The following LARGE1 variants were observed in gnomAD, a reference collection of about 807,000 sequenced individuals.
LARGE1 encodes xylosyl- and glucuronyltransferase LARGE1.
LARGE1 carries 43 observed loss-of-function variants against 87.6 expected under a neutral mutation model. The observed-to-expected ratio is 0.49, with a 90% CI of 0.38 to 0.63. The LOEUF (loss-of-function observed/expected upper bound fraction) is 0.63, where lower values mean the gene tolerates loss of function less well. Ranked by LOEUF, LARGE1 falls within the 30% of genes least tolerant of loss-of-function variation. The pLI, the probability that LARGE1 is intolerant of heterozygous loss-of-function variation, is 0.00. For synonymous variants in LARGE1, 434 were observed against 394.6 expected (o/e 1.10, Z -1.18); for missense variants, 802 against 1,000.2 (o/e 0.80, Z 2.67).
At chr22:33,860,972 T>G (rs2063902221) in intron 1 of LARGE1, among the ~76,000 whole-genome samples, 1 of 152,124 alleles carries the variant, frequency 6.6e-6, no homozygotes, top group African/African-American at 2.4e-5. Flanking sequence ...CCTTGGAGTG[T>G]GAAGCCTGCA....
chr22:33,797,441 C>T (rs550937525), intron 1 of LARGE1, among the ~76,000 whole-genome samples: 1 of 152,308 alleles, frequency 6.6e-6, no homozygotes, highest in South Asian at 2.1e-4. Flanking sequence ...GTAAAACCAT[C>T]GTGTTAACCT....
Position 33,508,845 on chromosome 22 carries a change from T to C in LARGE1, c.787+56003A>G, listed in dbSNP as rs571927251. On this transcript the variant is annotated intron_variant, in intron 6 of 14. Coordinates refer to ENST00000397394, the MANE Select transcript of LARGE1 (RefSeq NM_133642.5). ...GCAAAAGGAAAATATGGCAGGGAAG[T>C]GTGGGAAAAAACCCAGAGTGAATTC... 5.7e-4 allele frequency among the ~76,000 whole-genome samples: 87 copies of C among 152,224 alleles called. No homozygotes were observed. The Middle Eastern group carries it at 0.02, about 36-fold the overall frequency.
At chr22:33,838,135 AC>A (rs2063162668) in intron 1 of LARGE1, among the ~76,000 whole-genome samples, 1 of 152,176 alleles carries the variant, frequency 6.6e-6, no homozygotes, top group African/African-American at 2.4e-5. Context: ...GACACTTTAA[AC>A]ATGTAAAAGC....
At position 33,320,461 on chromosome 22, in the gene LARGE1, C is replaced by A. The variant is rs77529145; in HGVS notation, c.1288-4213G>T. Among the ~76,000 whole-genome samples the A allele has an allele frequency of 9.4e-3, 1,430 of 152,278 alleles. 21 individuals carry two copies. The highest frequency in any genetic ancestry group is 0.032 in the African/African-American group (1,344 of 41,556). Reference sequence around the variant, plus strand: ...CTCTGCGCTCCAAGAGCACTCAGTTCGTAACTCCATTAAAGCACTTGTCAA... The same window carrying A: ...CTCTGCGCTCCAAGAGCACTCAGTTAGTAACTCCATTAAAGCACTTGTCAA... On this transcript the variant is annotated intron_variant, in intron 10 of 14. Coordinates refer to ENST00000397394, the MANE Select transcript of LARGE1 (RefSeq NM_133642.5).
At chr22:33,504,386 A>G (rs2148395761) in intron 6 of LARGE1, among the ~76,000 whole-genome samples, 1 of 152,112 alleles carries the variant, frequency 6.6e-6, no homozygotes, top group East Asian at 1.9e-4. Flanking sequence ...CAGCCTTCCG[A>G]GTAGCTGGGG....
chr22:33,221,587 T>A (rs903443644), intron 11 of LARGE1: 2 of 152,262 alleles, frequency 1.3e-5, no homozygotes, highest in African/African-American at 4.8e-5. Flanking sequence ...AGCTTTTAGA[T>A]GGATATCTCC....
intron 1 of LARGE1, among the ~76,000 whole-genome samples, chr22:33,912,798 A>T (rs1601904712): frequency 6.7e-6 from 1 of 149,490 alleles, no homozygotes; most frequent in Non-Finnish European, 1.5e-5. Context: ...AGCCCTAGAT[A>T]TTTCTGTTAC....
At chr22:33,472,779 A>G (rs1337537484) in intron 6 of LARGE1, among the ~76,000 whole-genome samples, 1 of 152,188 alleles carries the variant, frequency 6.6e-6, no homozygotes, top group East Asian at 1.9e-4. Context: ...TACCATGTAA[A>G]TTGAGGGAAG....
At chr22:33,819,221 C>A (rs539750276) in intron 1 of LARGE1, among the ~76,000 whole-genome samples, 1 of 151,782 alleles carries the variant, frequency 6.6e-6, no homozygotes, top group Non-Finnish European at 1.5e-5. Context: ...TTTTGTCAGT[C>A]CCATCATCAT....
At position 33,719,979 on chromosome 22, in the gene LARGE1, C is replaced by G. The variant is rs1303329782; in HGVS notation, c.106+41392G>C. Among the ~76,000 whole-genome samples the G allele has an allele frequency of 2.6e-5, 4 of 152,052 alleles. No homozygotes were observed. The East Asian group carries it at 7.7e-4, about 29-fold the overall frequency. ...CCAGCAGTCCCCAGCCTTTTTGGTA[C>G]CAGGTACCGGTTTTGTGGAAGACCA... On this transcript the variant is annotated intron_variant, in intron 2 of 14. Coordinates refer to ENST00000397394, the MANE Select transcript of LARGE1 (RefSeq NM_133642.5).
chr22:33,070,074 G>A, the LARGE1 span, among the ~76,000 whole-genome samples: 1 of 152,084 alleles, frequency 6.6e-6, no homozygotes, highest in Non-Finnish European at 1.5e-5. Flanking sequence ...CACCCGCCTC[G>A]GCCTCCGAAA....
At chr22:33,392,924 C>G (rs1476253635) in intron 7 of LARGE1, among the ~76,000 whole-genome samples, 1 of 152,098 alleles carries the variant, frequency 6.6e-6, no homozygotes, top group Non-Finnish European at 1.5e-5. Context: ...CATTTCCAGG[C>G]CCATAGCCTT....
At position 33,374,122 on chromosome 22, in the gene LARGE1, A is replaced by G. The variant is rs143262759; in HGVS notation, c.1131+7797T>C. Among the ~76,000 whole-genome samples, 607 of 152,258 alleles carry G rather than the reference A, an allele frequency of 4.0e-3. 3 individuals carry two copies. Among genetic ancestry groups the G allele is most frequent in the African/African-American group, 0.014 (572 of 41,540 alleles). ...GAAACTTCCCGTGCTATTACTAAGGACCATGTATTCCCCTGCTCAAGGTGC... is the reference window on the plus strand; with the variant it reads ...GAAACTTCCCGTGCTATTACTAAGGGCCATGTATTCCCCTGCTCAAGGTGC... On this transcript the variant is annotated intron_variant, in intron 9 of 14. Coordinates refer to ENST00000397394, the MANE Select transcript of LARGE1 (RefSeq NM_133642.5).
At chr22:33,550,142 T>TATACACAC (rs1555954017) in intron 6 of LARGE1, among the ~76,000 whole-genome samples, 10 of 142,250 alleles carry the variant, frequency 7.0e-5, no homozygotes, top group Admixed American at 3.6e-4. Context: ...ACTTAAAGTA[T>TATACACAC]ACACACACAC....
At chr22:33,127,566 T>C in the LARGE1 span, among the ~76,000 whole-genome samples, 1 of 152,230 alleles carries the variant, frequency 6.6e-6, no homozygotes, top group Non-Finnish European at 1.5e-5. Flanking sequence ...ATTTCATCTC[T>C]AGTTCTTTCT....
At chr22:33,579,723 C>A (rs2078458378) in intron 5 of LARGE1, among the ~76,000 whole-genome samples, 1 of 152,132 alleles carries the variant, frequency 6.6e-6, no homozygotes, top group Non-Finnish European at 1.5e-5. Flanking sequence ...AAAGTGTCAT[C>A]CAGAGTGGCC....
intron 7 of LARGE1, among the ~76,000 whole-genome samples, chr22:33,425,326 T>C (rs1303455142): frequency 2.0e-5 from 3 of 152,186 alleles, no homozygotes; most frequent in Admixed American, 1.3e-4. Flanking sequence ...CTCTCTGCCA[T>C]GTCAGGATAC....
the LARGE1 span, among the ~76,000 whole-genome samples, chr22:33,081,953 G>A: frequency 3.3e-5 from 5 of 152,158 alleles, no homozygotes; most frequent in African/African-American, 7.2e-5. Flanking sequence ...GGCTAAATGG[G>A]TAATAGACAA....
chr22:33,893,032 T>C (rs1369220895), intron 1 of LARGE1, among the ~76,000 whole-genome samples: 1 of 152,234 alleles, frequency 6.6e-6, no homozygotes, highest in Non-Finnish European at 1.5e-5. Flanking sequence ...TTCATTTAAC[T>C]ATCTGGCTGA....
Sources: gnomAD v4.1 joint callset for allele counts (sites outside exome capture counted in the v4.1 genomes callset) on GRCh38, gnomAD v4.1.1 for gene constraint, MANE v1.5 for transcripts, NCBI Gene and HGNC (gene_info 2026-07-23, HGNC 2026-07-21) for gene names.